Variants in RTCB observed in about 807,000 individuals in gnomAD.
RTCB encodes the protein RNA 2',3'-cyclic phosphate and 5'-OH ligase, also known as RNA-splicing ligase RTCB.
In RTCB, 32 loss-of-function variants were observed where a neutral mutation model predicts 58.2. That is an observed-to-expected ratio of 0.55 (90% CI 0.41 to 0.74). The LOEUF is 0.74. Ranked by LOEUF, RTCB falls within the 30% of genes least tolerant of loss-of-function variation. The pLI is 0.00. For synonymous variants in RTCB, 247 were observed against 218.6 expected, an observed-to-expected ratio of 1.13 and a Z score of -1.15; for missense variants, 523 against 639.0, an observed-to-expected ratio of 0.82 and a Z score of 1.96.
chr22:32,396,209 C>G lies in RTCB; in HGVS notation c.855G>C (p.Lys285Asn), dbSNP rs757964914. 2 of 1,614,188 alleles carry G rather than the reference C, an allele frequency of 1.2e-6. No homozygotes were observed. The highest frequency in any genetic ancestry group is 1.7e-6 in the Non-Finnish European group (2 of 1,180,020). Residue 285 changes from lysine to asparagine, a missense_variant, in exon 8 of 12, where the codon AAG (lysine) becomes AAC (asparagine). By Grantham distance (94) the Lys-to-Asn change is moderately conservative. Around this residue, in one of 3 missense-constraint regions of RTCB, gnomAD observed 248 missense variants for 292.5 expected, o/e 0.85. Coordinates refer to ENST00000216038, the MANE Select transcript of RTCB (RefSeq NM_014306.5). ...CCAACTGCCGATCATTGACTATAAT[C>G]TTGTCTCTCTTCATGGCCTTCTCCA... The part of the protein sequence containing the change: ...VAMEKAMKRD[K>N]IIVNDRQLAC...
At chr22:32,392,208 A>C (rs748472873) in intron 11 of RTCB, 32 bp downstream of exon 11, 2 of 1,591,396 alleles carry the variant, frequency 1.3e-6, no homozygotes, top group Non-Finnish European at 1.7e-6. Flanking sequence ...GGGAACAATA[A>C]ATATTCATGT....
chr22:32,396,356 C>G, intron 7 of RTCB, 107 bp from the exon 8 acceptor site: 3 of 1,204,156 alleles, frequency 2.5e-6, no homozygotes, highest in Non-Finnish European at 3.5e-6. Flanking sequence ...CACAAAAAAA[C>G]CCAATGAAAG....
At chr22:32,395,903 G>A (rs1395771166) in intron 8 of RTCB, among the ~76,000 whole-genome samples, 171 bp downstream of exon 8, 2 of 150,902 alleles carry the variant, frequency 1.3e-5, no homozygotes, top group Non-Finnish European at 2.9e-5. Context: ...GTTTCACCGT[G>A]TTAGCCAGGA....
intron 8 of RTCB, among the ~76,000 whole-genome samples, chr22:32,395,856 A>G (rs1933236805): frequency 6.6e-6 from 1 of 152,084 alleles, no homozygotes; most frequent in African/African-American, 2.4e-5. Context: ...CACGACGACC[A>G]GCTAAGCTAA....
intron 4 of RTCB, among the ~76,000 whole-genome samples, chr22:32,405,116 A>G (rs1405125088): frequency 6.6e-6 from 1 of 152,096 alleles, no homozygotes; most frequent in Non-Finnish European, 1.5e-5. Context: ...ATACTAAGAC[A>G]TTATTTGTCT....
chr22:32,401,955 G>A lies in RTCB; in HGVS notation c.341-52C>T, dbSNP rs552673577. On this transcript the variant is annotated intron_variant, in intron 4 of 11. Transcript: ENST00000216038. The stretch of plus-strand genomic sequence containing the variant: ...ACCAGCTGGTAAGGCACTGTTACCT[G>A]CAGTTTCTCGCCATTAATATGGAAC... 10 of 1,554,164 alleles carry A rather than the reference G, an allele frequency of 6.4e-6. No individual in the cohort carries two copies. The African/African-American group carries it at 1.1e-4, about 17-fold the overall frequency.
At chr22:32,389,934 GCCT>G (rs2145887952) in intron 11 of RTCB, among the ~76,000 whole-genome samples, 1 of 152,152 alleles carries the variant, frequency 6.6e-6, no homozygotes, top group East Asian at 1.9e-4. Context: ...GTCATGCCTG[GCCT>G]CCTTGCTGTT....
At chr22:32,400,030 CTT>C (rs1044521398) in intron 5 of RTCB, 1 of 274,692 alleles carries the variant, frequency 3.6e-6, no homozygotes, top group African/African-American at 2.2e-5. Context: ...ATTTTCAAAT[CTT>C]TTTTATATTC....
chr22:32,390,317 G>A (rs1933132070), intron 11 of RTCB, among the ~76,000 whole-genome samples: 1 of 152,162 alleles, frequency 6.6e-6, no homozygotes, highest in South Asian at 2.1e-4. Flanking sequence ...CTGAGTAAGT[G>A]AATCAAATAA....
At position 32,412,240 on chromosome 22, in the gene RTCB, C is replaced by G; in HGVS notation, c.-84G>C. The G allele has an allele frequency of 8.3e-7, 1 of 1,203,600 alleles. No homozygotes were observed. The highest frequency in any genetic ancestry group is 1.2e-6 in the Non-Finnish European group (1 of 856,438). The allele number at this position is 1,203,600 out of a possible 1,614,324, so 74.6% of individuals were successfully genotyped here. A position where few individuals can be genotyped will look rare whatever the true frequency, so the allele number is the denominator to read the frequency against. ...GTCCGGCTTCTCAGAGCACCGCCTT[C>G]CAAGAACCAAAGCGCAGGCGCGACC... On this transcript the variant is annotated 5_prime_UTR_variant, in exon 1 of 12. Transcript: ENST00000216038.
At chr22:32,411,727 G>C (rs1380097867) in intron 1 of RTCB, among the ~76,000 whole-genome samples, 1 of 152,182 alleles carries the variant, frequency 6.6e-6, no homozygotes, top group Non-Finnish European at 1.5e-5. Context: ...CCCTGGAAAA[G>C]ATCACTGAAG....
chr22:32,410,777 A>C (rs1933507267), intron 1 of RTCB, among the ~76,000 whole-genome samples: 1 of 149,992 alleles, frequency 6.7e-6, no homozygotes, highest in Non-Finnish European at 1.5e-5. Flanking sequence ...GCAGTTTAGA[A>C]TGATCACGGG....
chr22:32,395,329 A>C (rs1422064881), intron 8 of RTCB, 115 bp from the exon 9 acceptor site: 5 of 813,412 alleles, frequency 6.1e-6, no homozygotes, highest in Non-Finnish European at 9.5e-6. Flanking sequence ...AAAAGATTTA[A>C]AAGTTCAAAA....
chr22:32,394,108 A>C, intron 9 of RTCB, 106 bp from the exon 10 acceptor site: 1 of 698,658 alleles, frequency 1.4e-6, no homozygotes, highest in Non-Finnish European at 2.4e-6. Context: ...GGAGAAACCC[A>C]GACTTCTTTT....
At chr22:32,411,470 G>C (rs149570773) in intron 1 of RTCB, among the ~76,000 whole-genome samples, 3 of 152,108 alleles carry the variant, frequency 2.0e-5, no homozygotes, top group Non-Finnish European at 4.4e-5. Flanking sequence ...TTCCTAGGTG[G>C]GTAGAGGAAG....
Position 32,405,509 on chromosome 22 carries a change from A to G in RTCB, c.340+1153T>C, listed in dbSNP as rs796626410. Among the ~76,000 whole-genome samples the G allele has an allele frequency of 7.2e-5, 11 of 152,316 alleles. 1 individual carries two copies. Among genetic ancestry groups the G allele is most frequent in the African/African-American group, 2.6e-4 (11 of 41,584 alleles). On this transcript the variant is annotated intron_variant, in intron 4 of 11. Coordinates refer to ENST00000216038, the MANE Select transcript of RTCB (RefSeq NM_014306.5). ...ACACACACAACCACACATGTATATT[A>G]GAGGTCACGTGTCAAGTTTGTTATT...
At position 32,399,707 on chromosome 22, in the gene RTCB, A is replaced by G. The variant is rs1260158341; in HGVS notation, c.550T>C (p.Tyr184His). Reference sequence around the variant, plus strand: ...TGCTCCTTGTCTTCAGCCCAGGCATACCCTTCTCTTAAGGACCAGTCCACC... The same window carrying G: ...TGCTCCTTGTCTTCAGCCCAGGCATGCCCTTCTCTTAAGGACCAGTCCACC... Reference protein sequence around the residue: ...MGVDWSLREGYAWAEDKEHCE... With the variant: ...MGVDWSLREGHAWAEDKEHCE... The change falls in exon 6 of 12, where the codon TAT (tyrosine) becomes CAT (histidine). Residue 184 changes from tyrosine (Y) to histidine (H), a missense_variant. Transcript: ENST00000216038. 1 of 1,613,874 alleles carries G rather than the reference A, an allele frequency of 6.2e-7. No homozygotes were observed. The highest frequency in any genetic ancestry group is 1.7e-5 in the Admixed American group (1 of 59,978).
chr22:32,392,467 T>C, intron 10 of RTCB, 108 bp from the exon 11 acceptor site: 1 of 1,418,178 alleles, frequency 7.1e-7, no homozygotes, highest in East Asian at 2.4e-5. Flanking sequence ...TTTTTTACTT[T>C]ATCGAATTGG....
chr22:32,399,562 T>C (rs1933301162), intron 6 of RTCB, 41 bp downstream of exon 6: 2 of 1,541,160 alleles, frequency 1.3e-6, no homozygotes, highest in Non-Finnish European at 1.8e-6. Flanking sequence ...AAACAAAATA[T>C]GAAAAAAAAA....
Sources: gnomAD v4.1 joint callset for allele counts (sites outside exome capture counted in the v4.1 genomes callset) on GRCh38, gnomAD v4.1.1 for gene constraint, gnomAD v4.1.1 regional missense constraint, MANE v1.5 for transcripts, NCBI Gene and HGNC (gene_info 2026-07-23, HGNC 2026-07-21) for gene names.